Variants in NLGN4X observed in about 807,000 individuals in gnomAD.
NLGN4X encodes the protein neuroligin-4, X-linked.
In NLGN4X, 3 loss-of-function variants were observed where a neutral mutation model predicts 40.3. The observed-to-expected ratio is 0.07, with a 90% CI of 0.03 to 0.19. The LOEUF (loss-of-function observed/expected upper bound fraction) is 0.19, where lower values mean the gene tolerates loss of function less well. NLGN4X is among the 10% of genes least tolerant of loss of function. NLGN4X has a pLI of 1.00. For synonymous variants in NLGN4X, 270 were observed against 306.8 expected, an observed-to-expected ratio of 0.88 and a Z score of 1.25; for missense variants, 382 against 708.3, an observed-to-expected ratio of 0.54 and a Z score of 5.23.
intron 2 of NLGN4X, among the ~76,000 whole-genome samples, chrX:6,124,349 C>T (rs913101300): frequency 1.8e-5 from 2 of 111,353 alleles, no homozygotes; most frequent in Non-Finnish European, 3.8e-5. Flanking sequence ...GAATAAAACA[C>T]AACATTCTTG....
chrX:6,103,905 T>C (rs1193724700), intron 2 of NLGN4X, among the ~76,000 whole-genome samples: 2 of 112,329 alleles, frequency 1.8e-5, no homozygotes, highest in Non-Finnish European at 3.8e-5. Flanking sequence ...TTGTGGTACA[T>C]GATGAGCATT....
At chrX:6,137,932 G>A (rs2039855597) in intron 2 of NLGN4X, among the ~76,000 whole-genome samples, 1 of 111,597 alleles carries the variant, frequency 9.0e-6, no homozygotes, top group Admixed American at 9.6e-5. Flanking sequence ...TATCACACAT[G>A]TATGCTGCCT....
intron 3 of NLGN4X, among the ~76,000 whole-genome samples, chrX:5,950,471 T>C (rs1467334858): frequency 1.8e-5 from 2 of 112,138 alleles, no homozygotes; most frequent in African/African-American, 6.5e-5. Context: ...ACATTACCTG[T>C]CTATGGGATG....
At chrX:5,919,201 T>TAA (rs1357520063) in intron 3 of NLGN4X, among the ~76,000 whole-genome samples, 1 of 109,856 alleles carries the variant, frequency 9.1e-6, no homozygotes, top group Admixed American at 9.6e-5. Flanking sequence ...CAAACCTTTA[T>TAA]AGGCTCCAAC....
At chrX:5,944,671 A>AG (rs1203328607) in intron 3 of NLGN4X, among the ~76,000 whole-genome samples, 2 of 106,729 alleles carry the variant, frequency 1.9e-5, no homozygotes, top group South Asian at 4.1e-4. Flanking sequence ...AAAAAAAAAA[A>AG]AAGAAGAAGA....
At chrX:6,012,080 T>A (rs1229354929) in intron 3 of NLGN4X, among the ~76,000 whole-genome samples, 2 of 112,454 alleles carry the variant, frequency 1.8e-5, no homozygotes, top group Non-Finnish European at 3.8e-5. Context: ...CATGCCCAAA[T>A]TGCAATTCCA....
intron 3 of NLGN4X, among the ~76,000 whole-genome samples, chrX:6,009,662 T>C (rs1266579816): frequency 8.9e-6 from 1 of 112,425 alleles, no homozygotes; most frequent in African/African-American, 3.2e-5. Context: ...GCAGTATAAT[T>C]GTGGCCAAGA....
chrX:5,892,462 G>A lies in NLGN4X; in HGVS notation c.*355C>T. The A allele has an allele frequency of 4.2e-6, 1 of 235,996 alleles. No individual in the cohort carries two copies. Among genetic ancestry groups the A allele is most frequent in the Non-Finnish European group, 7.7e-6 (1 of 129,961 alleles). The allele number at this position is 235,996 out of a possible 1,213,427, so 19.4% of individuals were successfully genotyped here. On this transcript the variant is annotated 3_prime_UTR_variant, in exon 6 of 6. Transcript: ENST00000381095. ...AAGTGTCCTTGGCTGAGTTTCAGAA[G>A]TGTCAGCTGCTTCCATGACGTTGGA...
chrX:6,161,279 ATT>A (rs1257430157), intron 1 of NLGN4X, among the ~76,000 whole-genome samples: 1 of 65,157 alleles, frequency 1.5e-5, no homozygotes, highest in African/African-American at 7.0e-5. Context: ...TATTCTATAT[ATT>A]ATATAGGATA....
chrX:6,164,603 T>C (rs975961804), intron 1 of NLGN4X, among the ~76,000 whole-genome samples: 7 of 111,608 alleles, frequency 6.3e-5, no homozygotes, highest in Admixed American at 3.8e-4. Flanking sequence ...TCTGGAGTAA[T>C]ACTGTTGAGT....
intron 2 of NLGN4X, among the ~76,000 whole-genome samples, chrX:6,036,746 C>A (rs1478928094): frequency 9.0e-6 from 1 of 110,563 alleles, no homozygotes; most frequent in African/African-American, 3.3e-5. Context: ...CAACAATTAG[C>A]ATCTCCGTAA....
rs1043000129 is a variant in NLGN4X at position 5,946,011 on chromosome X, G to A, written c.626-36772C>T. On this transcript the variant is annotated intron_variant, in intron 3 of 5. Coordinates refer to ENST00000381095, the MANE Select transcript of NLGN4X (RefSeq NM_181332.3). ...TGATCATTTAAAACAATCTATCACA[G>A]CCATATGGAAAAAGAGGCTTCAAGC... Among the ~76,000 whole-genome samples, 4 of 111,554 alleles carry A rather than the reference G, an allele frequency of 3.6e-5. No homozygotes were observed. In the East Asian group the frequency reaches 1.1e-3, roughly 32 times the overall value.
chrX:6,111,021 G>A (rs182162199), intron 2 of NLGN4X, among the ~76,000 whole-genome samples: 28 of 111,120 alleles, frequency 2.5e-4, no homozygotes, highest in African/African-American at 7.2e-4. Flanking sequence ...ACCCTAACCC[G>A]AACCCTAACC....
At chrX:6,170,873 G>A (rs1206306882) in intron 1 of NLGN4X, among the ~76,000 whole-genome samples, 2 of 111,579 alleles carry the variant, frequency 1.8e-5, no homozygotes, top group African/African-American at 6.5e-5. Context: ...GCCCAGGCTG[G>A]AGTGCAATGG....
rs889436410 is a variant in NLGN4X at position 6,100,362 on chromosome X, T to C, written c.472+50633A>G. Among the ~76,000 whole-genome samples, 3 of 112,526 alleles carry C rather than the reference T, an allele frequency of 2.7e-5. No individual in the cohort carries two copies. In the Admixed American group the frequency reaches 2.8e-4, roughly 11 times the overall value. On this transcript the variant is annotated intron_variant, in intron 2 of 5. Transcript: ENST00000381095. The stretch of plus-strand genomic sequence containing the variant: ...TTATGGCCAGATTTTAGGGGGCCTG[T>C]TCCCAACACTAGCCTAGTTCATCAG...
intron 1 of NLGN4X, among the ~76,000 whole-genome samples, chrX:6,226,027 A>G (rs1263097290): frequency 1.0e-5 from 1 of 99,084 alleles, no homozygotes; most frequent in Admixed American, 1.1e-4. Context: ...CCCCACCCCA[A>G]ATTTCTTAAG....
At chrX:5,974,903 C>CT (rs2035130337) in intron 3 of NLGN4X, among the ~76,000 whole-genome samples, 1 of 111,847 alleles carries the variant, frequency 8.9e-6, no homozygotes, top group East Asian at 2.8e-4. Flanking sequence ...CCATTGTTAA[C>CT]TGAAATAAGG....
intron 1 of NLGN4X, among the ~76,000 whole-genome samples, chrX:6,198,375 T>C (rs1180031131): frequency 1.8e-5 from 2 of 111,925 alleles, no homozygotes; most frequent in Admixed American, 9.5e-5. Flanking sequence ...ATGACATTGA[T>C]AGAACTCTGA....
At chrX:6,223,115 C>T (rs1378387) in intron 1 of NLGN4X, among the ~76,000 whole-genome samples, 27,528 of 109,348 alleles carry the variant, frequency 0.25, 2,841 homozygotes, top group African/African-American at 0.38. Context: ...GCAGACCTTA[C>T]TATAATATGT....
Sources: gnomAD v4.1 joint callset for allele counts (sites outside exome capture counted in the v4.1 genomes callset) on GRCh38, gnomAD v4.1.1 for gene constraint, MANE v1.5 for transcripts, NCBI Gene and HGNC (gene_info 2026-07-23, HGNC 2026-07-21) for gene names.